KCNAB2: variants seen among roughly 807,000 people sequenced by gnomAD.
KCNAB2 encodes the protein voltage-gated potassium channel subunit beta-2.
A neutral mutation model predicts 63.6 loss-of-function variants in KCNAB2; 29 were observed. The observed-to-expected ratio is 0.46, with a 90% CI of 0.34 to 0.62. The LOEUF (loss-of-function observed/expected upper bound fraction) is 0.62, where lower values mean the gene tolerates loss of function less well. Among genes scored for constraint, KCNAB2 ranks in the 20% least tolerant of loss-of-function variants. KCNAB2 has a pLI of 0.01. For synonymous variants in KCNAB2, 222 were observed against 224.2 expected (o/e 0.99, Z 0.09); for missense variants, 359 against 563.9 (o/e 0.64, Z 3.68).
intron 5 of KCNAB2, among the ~76,000 whole-genome samples, chr1:6,082,924 G>A (rs1314953253): frequency 6.6e-6 from 1 of 152,198 alleles, no homozygotes; most frequent in Non-Finnish European, 1.5e-5. Flanking sequence ...GCAGGCCTGG[G>A]CTGCTGTGCA....
At chr1:6,046,220 G>A in intron 1 of KCNAB2, 37 bp downstream of exon 1, 1 of 984,316 alleles carries the variant, frequency 1.0e-6, no homozygotes, top group Non-Finnish European at 1.2e-6. Flanking sequence ...TCCTAGTGGA[G>A]ATGCCGCTTG....
intron 1 of KCNAB2, chr1:6,007,511 T>TGCGCCTCCTCC (rs56083899): frequency 0.8 from 121,113 of 151,582 alleles, 48,634 homozygotes; most frequent in East Asian, 0.95. Context: ...GCGCCACCTC[T>TGCGCCTCCTCC]GCGCCTCCTC....
At chr1:6,093,143 C>T (rs1665326510) in intron 10 of KCNAB2, among the ~76,000 whole-genome samples, 1 of 152,208 alleles carries the variant, frequency 6.6e-6, no homozygotes, top group Admixed American at 6.5e-5. Context: ...GCCCCACTCC[C>T]AGCATTTTCA....
At chr1:6,089,998 G>A (rs1214011192) in intron 8 of KCNAB2, among the ~76,000 whole-genome samples, 3 of 152,230 alleles carry the variant, frequency 2.0e-5, no homozygotes, top group South Asian at 2.1e-4. Flanking sequence ...CACCACGCCC[G>A]ACCATAGACA....
chr1:6,073,866 G>A lies in KCNAB2; in HGVS notation c.300+96G>A, dbSNP rs890709492. 4.6e-5 allele frequency: 58 copies of A among 1,274,584 alleles called. No individual in the cohort carries two copies. Among genetic ancestry groups the A allele is most frequent in the African/African-American group, 7.4e-5 (5 of 67,950 alleles). The allele number at this position is 1,274,584 out of a possible 1,614,324, so 79.0% of individuals were successfully genotyped here. A position where few individuals can be genotyped will look rare whatever the true frequency, so the allele number is the denominator to read the frequency against. Reference sequence around the variant, plus strand: ...CGTGGACCAGTGAGCACGTGCTCCCGGGAGCCAGCGCAGCAGCCTCCCTCC... The same window carrying A: ...CGTGGACCAGTGAGCACGTGCTCCCAGGAGCCAGCGCAGCAGCCTCCCTCC... On this transcript the variant is annotated intron_variant, in intron 4 of 15. Transcript: ENST00000378083. The surrounding 1 kb of genome is among the most constrained non-coding windows in gnomAD (Gnocchi z 5.7).
In KCNAB2 at chr1:6,003,248, C is replaced by T. The variant is rs914444592; in HGVS notation, c.-53+10460C>T. Among the ~76,000 whole-genome samples the T allele has an allele frequency of 1.3e-5, 2 of 152,210 alleles. No homozygotes were observed. Among genetic ancestry groups the T allele is most frequent in the African/African-American group, 4.8e-5 (2 of 41,454 alleles). On this transcript the variant is annotated intron_variant, in intron 1 of 16. Coordinates refer to the KCNAB2 transcript ENST00000341524. This position sits in a 1 kb window ranked among gnomAD's most constrained non-coding sequence, Gnocchi z 4.1. ...GGCTCCAGAGCCTGTGCTACAAGCC[C>T]GGGTGGCCGGAGCCTCCTGCGGGAT...
intron 1 of KCNAB2, among the ~76,000 whole-genome samples, chr1:5,995,220 C>T (rs1201485747): frequency 3.3e-5 from 5 of 152,162 alleles, no homozygotes; most frequent in Admixed American, 1.3e-4. Flanking sequence ...CCCATGTTCC[C>T]GCCAGTCCCC....
rs375429274 is a variant in KCNAB2 at position 6,096,619 on chromosome 1, C to T, written c.949-17C>T. 692 of 1,607,720 alleles carry T rather than the reference C, an allele frequency of 4.3e-4. No individual in the cohort carries two copies. Among genetic ancestry groups the T allele is most frequent in the South Asian group, 9.1e-4 (82 of 89,986 alleles). ...GCTCTCATCTGTAGCTGTGCTGCTC[C>T]CCTCCCCCGCAACCAGGGCTACCAG... On this transcript the variant is annotated splice_polypyrimidine_tract_variant and intron_variant, in intron 13 of 15. Transcript: ENST00000378083. The surrounding 1 kb of genome is among the most constrained non-coding windows in gnomAD (Gnocchi z 5.9).
At position 6,003,103 on chromosome 1, in the gene KCNAB2, C is replaced by T. The variant is rs528151544; in HGVS notation, c.-53+10315C>T. Among the ~76,000 whole-genome samples the T allele has an allele frequency of 4.6e-5, 7 of 152,314 alleles. No homozygotes were observed. The highest frequency in any genetic ancestry group is 4.1e-4 in the South Asian group (2 of 4,828). ...CGCCCCAGGCGACCCGTTCACGGGG[C>T]GGGCGCTCGCCCTTGGCCTCGCTCC... On this transcript the variant is annotated intron_variant, in intron 1 of 16. Transcript: ENST00000341524. This position sits in a 1 kb window ranked among gnomAD's most constrained non-coding sequence, Gnocchi z 4.1.
At chr1:6,041,807 T>G (rs1011996781), upstream of KCNAB2, 2 of 1,609,218 alleles carry the variant, frequency 1.2e-6, no homozygotes, top group Admixed American at 1.7e-5. Flanking sequence ...CTCCTTTTTC[T>G]CTTTTCTCCA....
intron 1 of KCNAB2, among the ~76,000 whole-genome samples, chr1:5,998,222 G>A (rs1657042864): frequency 6.6e-6 from 1 of 152,240 alleles, no homozygotes; most frequent in Non-Finnish European, 1.5e-5. Context: ...ATAACTAGGG[G>A]AGGGCATCAG....
chr1:6,017,467 T>C (rs1021124720), intron 1 of KCNAB2, among the ~76,000 whole-genome samples: 1 of 151,754 alleles, frequency 6.6e-6, no homozygotes, highest in African/African-American at 2.4e-5. Context: ...GTTTTCAGTA[T>C]GTTGCTGGGC....
At chr1:5,998,951 G>A (rs551246132) in intron 1 of KCNAB2, among the ~76,000 whole-genome samples, 30 of 152,354 alleles carry the variant, frequency 2.0e-4, no homozygotes, top group African/African-American at 4.8e-4. Flanking sequence ...AGATTTGACC[G>A]TGAAAGGAGG....
chr1:6,023,285 C>T (rs530788826), intron 1 of KCNAB2, among the ~76,000 whole-genome samples: 1 of 152,270 alleles, frequency 6.6e-6, no homozygotes, highest in East Asian at 1.9e-4. Flanking sequence ...CCCTTTGAGA[C>T]CCTGTTTGCA....
chr1:6,099,697 A>C lies in KCNAB2; in HGVS notation c.*1123A>C, dbSNP rs539232821. The C allele has an allele frequency of 7.1e-7, 1 of 1,402,746 alleles. No individual in the cohort carries two copies. The allele number at this position is 1,402,746 out of a possible 1,614,324, so 86.9% of individuals were successfully genotyped here. A position where few individuals can be genotyped will look rare whatever the true frequency, so the allele number is the denominator to read the frequency against. Reference sequence around the variant, plus strand: ...AGGGTCTTTGGGGTTTTCTGTGCCCATGACTTGGGGGCTGCACCCCCACAG... The same window carrying C: ...AGGGTCTTTGGGGTTTTCTGTGCCCCTGACTTGGGGGCTGCACCCCCACAG... On this transcript the variant is annotated 3_prime_UTR_variant, in exon 16 of 16. Coordinates refer to ENST00000378083, the MANE Select transcript of KCNAB2 (RefSeq NM_001199862.2).
Position 6,035,790 on chromosome 1 carries a change from G to C in KCNAB2, c.-53+996G>C, listed in dbSNP as rs968424437. On this transcript the variant is annotated intron_variant, in intron 1 of 15. Transcript: ENST00000164247. The surrounding 1 kb of genome is among the most constrained non-coding windows in gnomAD (Gnocchi z 5.0). Reference sequence around the variant, plus strand: ...GGGTGGGGTCTGCAGCATGGGGACGGGGTTCAGAGCCACGAGATGGGTGGA... The same window carrying C: ...GGGTGGGGTCTGCAGCATGGGGACGCGGTTCAGAGCCACGAGATGGGTGGA... 2 of 152,506 alleles carry C rather than the reference G, an allele frequency of 1.3e-5. No individual in the cohort carries two copies. The highest frequency in any genetic ancestry group is 4.8e-5 in the African/African-American group (2 of 41,414). The allele number at this position is 152,506 out of a possible 1,614,324, so 9.4% of individuals were successfully genotyped here. A position where few individuals can be genotyped will look rare whatever the true frequency, so the allele number is the denominator to read the frequency against.
chr1:6,058,661 G>A (rs1172173974), intron 2 of KCNAB2, among the ~76,000 whole-genome samples: 1 of 152,180 alleles, frequency 6.6e-6, no homozygotes, highest in African/African-American at 2.4e-5. Context: ...ATCCATCTTG[G>A]GGTCTCACTC....
intron 1 of KCNAB2, among the ~76,000 whole-genome samples, chr1:6,011,669 T>C (rs1658156276): frequency 1.3e-5 from 2 of 152,130 alleles, no homozygotes; most frequent in South Asian, 2.1e-4. Flanking sequence ...TGTTGAGAAA[T>C]AGAAACGGGG....
rs1321375151 is a variant in KCNAB2, at chr1:6,096,674, G to A, written c.987G>A (p.Glu329=). Residue 329 remains glutamate, a synonymous_variant, in exon 14 of 16, where the codon GAG becomes GAA. Transcript: ENST00000378083. The surrounding 1 kb of genome is among the most constrained non-coding windows in gnomAD (Gnocchi z 5.9). The stretch of plus-strand genomic sequence containing the variant: ...TGAAGGACAAGATCCTCAGTGAGGA[G>A]GGCCGGCGCCAGCAAGCCAAGCTGA... ...QWLKDKILSE[E]GRRQQAKLKE... 6.2e-7 allele frequency: 1 copy of A among 1,609,300 alleles called. No individual in the cohort carries two copies. Among genetic ancestry groups the A allele is most frequent in the Non-Finnish European group, 8.5e-7 (1 of 1,178,850 alleles).
Sources: gnomAD v4.1 joint callset for allele counts (sites outside exome capture counted in the v4.1 genomes callset) on GRCh38, gnomAD v4.1.1 for gene constraint, Gnocchi (gnomAD v3.1) non-coding constraint, MANE v1.5 for transcripts, NCBI Gene and HGNC (gene_info 2026-07-23, HGNC 2026-07-21) for gene names.